LMAN1: variants seen among roughly 807,000 people sequenced by gnomAD.
LMAN1 encodes protein ERGIC-53.
In LMAN1, 32 loss-of-function variants were observed where a neutral mutation model predicts 67.8. The ratio of observed to expected loss-of-function variants is 0.47; its 90% CI spans 0.36 to 0.63. The LOEUF is 0.63. Ranked by LOEUF, LMAN1 falls within the 30% of genes least tolerant of loss-of-function variation. The pLI is 0.00. For missense variants in LMAN1, 632 were observed against 628.2 expected (o/e 1.01, Z -0.06); for synonymous variants, 235 against 219.3 (o/e 1.07, Z -0.63).
chr18:59,345,805 G>T, intron 8 of LMAN1, 114 bp downstream of exon 8: 1 of 1,209,736 alleles, frequency 8.3e-7, no homozygotes, highest in Non-Finnish European at 1.2e-6. Context: ...AAATCACTTG[G>T]AATGTGCCTG....
At chr18:59,336,039 T>C (rs1203472140) in intron 10 of LMAN1, among the ~76,000 whole-genome samples, 1 of 152,192 alleles carries the variant, frequency 6.6e-6, no homozygotes, top group Non-Finnish European at 1.5e-5. Context: ...AACTCTGTAG[T>C]GTTCAGTCCA....
chr18:59,334,912 T>C (rs896651380), intron 10 of LMAN1, among the ~76,000 whole-genome samples: 1 of 152,152 alleles, frequency 6.6e-6, no homozygotes, highest in Non-Finnish European at 1.5e-5. Context: ...AGCTCAGTTT[T>C]TATATTAACT....
Position 59,347,473 on chromosome 18 carries a change from A to C in LMAN1, c.822+40T>G, listed in dbSNP as rs1230552107. 3 of 1,484,318 alleles carry C rather than the reference A, an allele frequency of 2.0e-6. No homozygotes were observed. In the East Asian group the frequency reaches 6.8e-5, roughly 34 times the overall value. The allele number at this position is 1,484,318 out of a possible 1,614,324, so 91.9% of individuals were successfully genotyped here. On this transcript the variant is annotated intron_variant, in intron 7 of 12. Transcript: ENST00000251047. Reference sequence around the variant, plus strand: ...TCCAAAACGTTCAGCTAAAAGGCAAACTAAACTGATAAAGTTTTTGAAAAT... The same window carrying C: ...TCCAAAACGTTCAGCTAAAAGGCAACCTAAACTGATAAAGTTTTTGAAAAT...
At chr18:59,355,237 T>A (rs1402967157) in intron 3 of LMAN1, 76 bp downstream of exon 3, 2 of 1,078,668 alleles carry the variant, frequency 1.9e-6, no homozygotes, top group East Asian at 5.1e-5. Flanking sequence ...AAGCATTGAA[T>A]AAGCTATTAT....
chr18:59,350,980 T>A (rs1174781213), intron 5 of LMAN1, among the ~76,000 whole-genome samples: 3 of 152,208 alleles, frequency 2.0e-5, no homozygotes, highest in African/African-American at 7.2e-5. Flanking sequence ...ACACTTGCAA[T>A]ATTTAAGATC....
At chr18:59,354,729 G>C in intron 3 of LMAN1, 149 bp from the exon 4 acceptor site, 2 of 544,366 alleles carry the variant, frequency 3.7e-6, no homozygotes, top group Non-Finnish European at 6.5e-6. Context: ...AATTACTAAA[G>C]TTCTTTAAAT....
intron 7 of LMAN1, among the ~76,000 whole-genome samples, chr18:59,346,310 TC>T (rs1314810036): frequency 5.2e-5 from 7 of 135,702 alleles, no homozygotes; most frequent in Non-Finnish European, 1.1e-4. Flanking sequence ...AACCTCTGCC[TC>T]CCAGGTTCAA....
chr18:59,358,739 C>T (rs1908720844), intron 1 of LMAN1, among the ~76,000 whole-genome samples: 1 of 152,022 alleles, frequency 6.6e-6, no homozygotes, highest in African/African-American at 2.4e-5. Flanking sequence ...AGGAGGTAAC[C>T]AAACACCTCT....
At position 59,331,046 on chromosome 18, in the gene LMAN1, G is replaced by C; in HGVS notation, c.*47C>G. ...TTAAATACTTAAATTCCCTCAAAAC[G>C]ACATCATTTTGTACACAAATAGATG... On this transcript the variant is annotated 3_prime_UTR_variant, in exon 13 of 13. Transcript: ENST00000251047. 2 of 1,337,070 alleles carry C rather than the reference G, an allele frequency of 1.5e-6. No homozygotes were observed. The highest frequency in any genetic ancestry group is 2.1e-6 in the Non-Finnish European group (2 of 936,730). 82.8% of individuals were successfully genotyped at this position (1,337,070 alleles called of 1,614,324 possible). A position where few individuals can be genotyped will look rare whatever the true frequency, so the allele number is the denominator to read the frequency against.
chr18:59,343,988 A>G (rs186877445), intron 8 of LMAN1, among the ~76,000 whole-genome samples: 31 of 152,330 alleles, frequency 2.0e-4, no homozygotes, highest in Admixed American at 1.9e-3. Context: ...AAGAGCATGA[A>G]CAGACATTTT....
intron 11 of LMAN1, among the ~76,000 whole-genome samples, chr18:59,331,869 C>T (rs893109638): frequency 3.3e-5 from 5 of 152,138 alleles, no homozygotes; most frequent in Admixed American, 6.5e-5. Flanking sequence ...TCCCAGTTCA[C>T]GCTTGCTGTA....
chr18:59,334,961 T>C (rs1908108545), intron 10 of LMAN1, among the ~76,000 whole-genome samples: 2 of 152,122 alleles, frequency 1.3e-5, no homozygotes, highest in Admixed American at 1.3e-4. Flanking sequence ...AAGTGGGAGT[T>C]TGCAAGGATT....
rs1455541519 is a variant in LMAN1, at chr18:59,333,204, G to A, written c.1261C>T (p.Gln421Ter). ...ACGCCTCCAGCAGAGCCAGGGTGCT[G>A]CATTCCACTGACCAGTCTGACGGTT... The part of the protein sequence containing the change: ...SETVRLVSGM[Q>*]HPGSAGGVYE... The change falls in exon 11 of 13, where the codon CAG becomes TAG. Residue 421 changes from glutamine (Q) to a stop codon, truncating the protein, a stop_gained. Coordinates refer to ENST00000251047, the MANE Select transcript of LMAN1 (RefSeq NM_005570.4). LOFTEE classifies it high-confidence loss of function. 1.9e-6 allele frequency: 3 copies of A among 1,613,490 alleles called. No individual in the cohort carries two copies. The highest frequency in any genetic ancestry group is 2.5e-6 in the Non-Finnish European group (3 of 1,179,712).
chr18:59,343,054 T>TAAA (rs34207759), intron 8 of LMAN1, among the ~76,000 whole-genome samples: 4 of 121,008 alleles, frequency 3.3e-5, no homozygotes, highest in African/African-American at 5.9e-5. Flanking sequence ...TTACAACAGC[T>TAAA]AAAAAAAAAA....
At position 59,338,589 on chromosome 18, in the gene LMAN1, C is replaced by T. The variant is rs767878558; in HGVS notation, c.1188G>A (p.Gln396=). ...QQELDTVVKT[Q]HEILRQVNEM... is the part of the protein sequence containing the mutation. ...CATTTACTTGTCTCAGAATCTCATG[C>T]TGAGTTTTCACAACAGTATCCAGTT... is the stretch of plus-strand genomic sequence containing the variant. The change falls in exon 10 of 13, where the codon CAG becomes CAA. Residue 396 remains glutamine, a synonymous_variant. Coordinates refer to ENST00000251047, the MANE Select transcript of LMAN1 (RefSeq NM_005570.4). The T allele has an allele frequency of 8.1e-6, 13 of 1,613,778 alleles. No homozygotes were observed. The highest frequency in any genetic ancestry group is 2.7e-5 in the African/African-American group (2 of 74,914).
intron 6 of LMAN1, among the ~76,000 whole-genome samples, 182 bp downstream of exon 6, chr18:59,348,931 G>A (rs1488553039): frequency 6.6e-6 from 1 of 152,144 alleles, no homozygotes; most frequent in Non-Finnish European, 1.5e-5. Flanking sequence ...TACACCTACC[G>A]AACAATGTAA....
Position 59,338,676 on chromosome 18 carries a change from A to T in LMAN1, c.1150-49T>A, listed in dbSNP as rs372430471. 6.2e-6 allele frequency: 10 copies of T among 1,602,016 alleles called. No individual in the cohort carries two copies. The African/African-American group carries it at 1.3e-4, about 21-fold the overall frequency. ...CAAGCTGAATAATCCACATTCTATG[A>T]GCACATAGTACAGTTGCCCTTCTTC... is the stretch of plus-strand genomic sequence containing the variant. On this transcript the variant is annotated intron_variant, in intron 9 of 12. Transcript: ENST00000251047.
chr18:59,347,946 TCATGGACAACG>T, intron 6 of LMAN1, among the ~76,000 whole-genome samples: 1 of 152,254 alleles, frequency 6.6e-6, no homozygotes, highest in African/African-American at 2.4e-5. Flanking sequence ...CAAATCTCCT[TCATGGACAACG>T]TCCCAGACAA....
chr18:59,353,939 G>A (rs764067391), intron 4 of LMAN1, among the ~76,000 whole-genome samples: 3 of 152,088 alleles, frequency 2.0e-5, no homozygotes, highest in Middle Eastern at 3.2e-3. Context: ...TAAATGCTTT[G>A]TAAATAGTTG....
Sources: gnomAD v4.1 joint callset for allele counts (sites outside exome capture counted in the v4.1 genomes callset) on GRCh38, gnomAD v4.1.1 for gene constraint, MANE v1.5 for transcripts, NCBI Gene and HGNC (gene_info 2026-07-23, HGNC 2026-07-21) for gene names.